Variants in NXPE1 observed in about 807,000 individuals in gnomAD.
The protein encoded by NXPE1 is NXPE family member 1.
In NXPE1, 31 loss-of-function variants were observed where a neutral mutation model predicts 33.3. The observed-to-expected ratio is 0.93, with a 90% CI of 0.70 to 1.26. The LOEUF (loss-of-function observed/expected upper bound fraction) is 1.26, where lower values mean the gene tolerates loss of function less well. Among genes scored for constraint, NXPE1 ranks in the 50% most tolerant of loss-of-function variants. NXPE1 has a pLI of 0.00. For synonymous variants in NXPE1, 229 were observed against 231.4 expected (o/e 0.99, Z 0.09); for missense variants, 661 against 655.6 (o/e 1.01, Z -0.09).
chr11:114,530,646 A>T (rs556980570), exon 6 of NXPE1: 2 of 1,614,176 alleles, frequency 1.2e-6, no homozygotes, highest in African/African-American at 2.7e-5. Flanking sequence ...CACCTCCAGT[A>T]GGATGTCCAG....
At chr11:114,556,085 G>A (rs191747687) in intron 1 of NXPE1, among the ~76,000 whole-genome samples, 171 of 152,306 alleles carry the variant, frequency 1.1e-3, no homozygotes, top group Non-Finnish European at 4.3e-4. Flanking sequence ...TCTACAAAAA[G>A]CCTACTGGAA....
At chr11:114,551,498 T>C (rs1395837738) in intron 3 of NXPE1, 57 bp from the exon 4 acceptor site, 1 of 822,510 alleles carries the variant, frequency 1.2e-6, no homozygotes, top group Non-Finnish European at 1.5e-6. Flanking sequence ...TGTATTTTCT[T>C]AGTTACAAGA....
At chr11:114,559,864 T>C (rs1948737693) in exon 1 of NXPE1, 2 of 152,412 alleles carry the variant, frequency 1.3e-5, no homozygotes, top group African/African-American at 4.8e-5. Context: ...CTGGCTCTTG[T>C]GGCTGTGTAA....
intron 2 of NXPE1, among the ~76,000 whole-genome samples, 197 bp from the exon 3 acceptor site, chr11:114,552,282 G>A (rs1187676220): frequency 6.6e-6 from 1 of 152,136 alleles, no homozygotes; most frequent in Non-Finnish European, 1.5e-5. Flanking sequence ...GGTGTTGAGT[G>A]TTGAGACCAA....
chr11:114,524,899 CA>C (rs1947323566), intron 7 of NXPE1, among the ~76,000 whole-genome samples: 1 of 152,094 alleles, frequency 6.6e-6, no homozygotes, highest in African/African-American at 2.4e-5. Flanking sequence ...GTATATCAGG[CA>C]AAAGCAACTC....
chr11:114,553,978 C>G, intron 1 of NXPE1: 1 of 985,438 alleles, frequency 1.0e-6, no homozygotes, highest in Non-Finnish European at 1.2e-6. Flanking sequence ...TCATAGGAAT[C>G]TCAAAGTCAA....
intron 5 of NXPE1, among the ~76,000 whole-genome samples, chr11:114,531,722 C>T (rs967396070): frequency 4.6e-5 from 7 of 152,270 alleles, no homozygotes; most frequent in Middle Eastern, 3.4e-3. Context: ...TTGCTCTTTA[C>T]TAATACTTTC....
intron 7 of NXPE1, among the ~76,000 whole-genome samples, chr11:114,525,330 T>A (rs1947336542): frequency 6.6e-6 from 1 of 151,954 alleles, no homozygotes; most frequent in Admixed American, 6.6e-5. Flanking sequence ...CCCAAAGATA[T>A]CCACATCCTA....
chr11:114,522,046 T>C (rs143420351), exon 9 of NXPE1: 34 of 1,613,806 alleles, frequency 2.1e-5, no homozygotes, highest in Non-Finnish European at 2.7e-5. Flanking sequence ...CAGTGCCATA[T>C]GCAATGGTCA....
intron 2 of NXPE1, among the ~76,000 whole-genome samples, chr11:114,552,566 G>T (rs189530062): frequency 6.6e-6 from 1 of 151,678 alleles, no homozygotes; most frequent in Admixed American, 6.6e-5. Flanking sequence ...TGTACAAAAA[G>T]CATGTTCAAT....
exon 6 of NXPE1, chr11:114,530,202 G>A: frequency 1.2e-6 from 2 of 1,610,412 alleles, no homozygotes; most frequent in Non-Finnish European, 1.7e-6. Flanking sequence ...TTCCTTGTCT[G>A]TAAGATAAGA....
chr11:114,525,384 G>T (rs949466153), intron 7 of NXPE1, among the ~76,000 whole-genome samples: 1 of 151,922 alleles, frequency 6.6e-6, no homozygotes, highest in Non-Finnish European at 1.5e-5. Context: ...GATATAAAAA[G>T]AAAAACAAGT....
intron 7 of NXPE1, among the ~76,000 whole-genome samples, chr11:114,526,301 G>A (rs1947367529): frequency 6.6e-6 from 1 of 152,110 alleles, no homozygotes; most frequent in African/African-American, 2.4e-5. Context: ...GTTTTTTAAA[G>A]CCACTTTATT....
chr11:114,523,635 A>G (rs749894019), intron 7 of NXPE1, among the ~76,000 whole-genome samples: 1 of 152,218 alleles, frequency 6.6e-6, no homozygotes, highest in Non-Finnish European at 1.5e-5. Context: ...GCAACATCCA[A>G]TACAAACCAA....
chr11:114,543,123 A>G (rs1270979505), intron 5 of NXPE1, among the ~76,000 whole-genome samples: 1 of 152,106 alleles, frequency 6.6e-6, no homozygotes, highest in African/African-American at 2.4e-5. Context: ...TGGGAGGCTG[A>G]GGCAGGCGGA....
intron 5 of NXPE1, among the ~76,000 whole-genome samples, chr11:114,538,584 A>C (rs1327148021): frequency 6.6e-6 from 1 of 152,194 alleles, no homozygotes; most frequent in Non-Finnish European, 1.5e-5. Context: ...AATTTATAAG[A>C]AAAAAACAAA....
At chr11:114,549,345 C>A (rs76741101) in intron 5 of NXPE1, among the ~76,000 whole-genome samples, 1 of 151,968 alleles carries the variant, frequency 6.6e-6, no homozygotes, top group Non-Finnish European at 1.5e-5. Context: ...TTGAGATATA[C>A]ATCTTAAATA....
intron 5 of NXPE1, among the ~76,000 whole-genome samples, chr11:114,534,372 G>T (rs566363787): frequency 6.6e-6 from 1 of 152,326 alleles, no homozygotes; most frequent in Non-Finnish European, 1.5e-5. Context: ...CTAAAAATCA[G>T]AGCGCCTCTT....
exon 9 of NXPE1, chr11:114,521,842 C>A (rs1441900058): frequency 2.8e-6 from 2 of 719,608 alleles, no homozygotes; most frequent in Non-Finnish European, 4.5e-6. Context: ...ACATAGCCTT[C>A]CTCCCCAAAC....
Sources: allele counts gnomAD v4.1 joint callset (sites outside exome capture counted in the v4.1 genomes callset), GRCh38; gene constraint gnomAD v4.1.1; transcripts MANE v1.5; gene names NCBI Gene and HGNC (gene_info 2026-07-23, HGNC 2026-07-21).